Variants in SLC1A4 observed in about 807,000 individuals in gnomAD.
The protein encoded by SLC1A4 is neutral amino acid transporter A.
A neutral mutation model predicts 37.7 loss-of-function variants in SLC1A4; 19 were observed. The ratio of observed to expected loss-of-function variants is 0.50; its 90% CI spans 0.35 to 0.74. The LOEUF (loss-of-function observed/expected upper bound fraction) is 0.74. Among genes scored for constraint, SLC1A4 ranks in the 30% least tolerant of loss-of-function variants. The pLI, the probability that SLC1A4 is intolerant of heterozygous loss-of-function variation, is 0.01. For missense variants in SLC1A4, 570 were observed against 712.9 expected, an observed-to-expected ratio of 0.80 and a Z score of 2.28; for synonymous variants, 299 against 309.8, an observed-to-expected ratio of 0.97 and a Z score of 0.37.
Position 65,022,931 on chromosome 2 carries a change from A to C in SLC1A4, c.*1785A>C, listed in dbSNP as rs970400551. 1 of 152,230 alleles carries C rather than the reference A, an allele frequency of 6.6e-6. No homozygotes were observed. Among genetic ancestry groups the C allele is most frequent in the Non-Finnish European group, 1.5e-5 (1 of 68,072 alleles). 9.4% of individuals were successfully genotyped at this position (152,230 alleles called of 1,614,324 possible). A position where few individuals can be genotyped will look rare whatever the true frequency, so the allele number is the denominator to read the frequency against. ...TATGGATGTGTGTACCATTGAGATG[A>C]GAATGGGTAGATGGAACGGAGACCA... On this transcript the variant is annotated 3_prime_UTR_variant, in exon 8 of 8. Transcript: ENST00000234256.
chr2:65,010,821 G>C (rs1298645984), intron 4 of SLC1A4, 58 bp downstream of exon 4: 1 of 1,556,046 alleles, frequency 6.4e-7, no homozygotes, highest in Non-Finnish European at 8.7e-7. Flanking sequence ...CCAGAAAAGA[G>C]TCCACCTTGC....
intron 5 of SLC1A4, among the ~76,000 whole-genome samples, chr2:65,017,361 AAC>A (rs1553375101): frequency 3.3e-5 from 5 of 152,048 alleles, no homozygotes; most frequent in Non-Finnish European, 7.4e-5. Flanking sequence ...AAAAAAAAAA[AAC>A]ACTGGGTTTT....
Position 64,989,610 on chromosome 2 carries a change from C to T in SLC1A4, c.-34C>T. 3 of 1,452,572 alleles carry T rather than the reference C, an allele frequency of 2.1e-6. No homozygotes were observed. The highest frequency in any genetic ancestry group is 2.7e-6 in the Non-Finnish European group (3 of 1,106,014). The allele number at this position is 1,452,572 out of a possible 1,614,324, so 90.0% of individuals were successfully genotyped here. A position where few individuals can be genotyped will look rare whatever the true frequency, so the allele number is the denominator to read the frequency against. ...CGTCTTTTGCCAGAGCCCACGTCCC[C>T]TGCCACCTCTAGCTCGGAGCGGCGT... On this transcript the variant is annotated 5_prime_UTR_variant, in exon 1 of 8. Coordinates refer to ENST00000234256, the MANE Select transcript of SLC1A4 (RefSeq NM_003038.5).
intron 1 of SLC1A4, chr2:64,999,954 G>A (rs968528115): frequency 6.6e-6 from 1 of 152,146 alleles, no homozygotes; most frequent in Admixed American, 6.5e-5. Context: ...CCAAAGGTGT[G>A]AATACCAGGA....
At position 65,018,585 on chromosome 2, in the gene SLC1A4, C is replaced by T; in HGVS notation, c.1270C>T (p.Pro424Ser). 6.2e-7 allele frequency: 1 copy of T among 1,614,216 alleles called. No individual in the cohort carries two copies. The highest frequency in any genetic ancestry group is 8.5e-7 in the Non-Finnish European group (1 of 1,180,028). Residue 424 changes from proline to serine, a missense_variant, in exon 7 of 8, where the codon CCA (proline) becomes TCA (serine). By Grantham distance (74) the Pro-to-Ser change is moderately conservative. Coordinates refer to ENST00000234256, the MANE Select transcript of SLC1A4 (RefSeq NM_003038.5). This position sits in a 1 kb window ranked among gnomAD's most constrained non-coding sequence, Gnocchi z 4.3. ...TASSVGAAGV[P>S]AGGVLTIAII... ...GTCCAGTGTTGGAGCAGCAGGCGTG[C>T]CAGCTGGAGGGGTCCTCACCATTGC... is the stretch of plus-strand genomic sequence containing the variant.
At chr2:65,014,635 C>T (rs1221250645) in intron 4 of SLC1A4, among the ~76,000 whole-genome samples, 1 of 152,214 alleles carries the variant, frequency 6.6e-6, no homozygotes, top group East Asian at 1.9e-4. Context: ...GAAGATTATT[C>T]TCCTGGACTG....
chr2:64,993,439 C>T (rs1486968288), intron 1 of SLC1A4, among the ~76,000 whole-genome samples: 2 of 152,160 alleles, frequency 1.3e-5, no homozygotes, highest in Non-Finnish European at 2.9e-5. Flanking sequence ...TTAGAAATAA[C>T]AATGTAGAAT....
rs1286355814 is a variant in SLC1A4, at chr2:65,018,619, T to G, written c.1304T>G (p.Leu435Arg). ...AGGVLTIAII[L>R]EAIGLPTHDL... ...GGGGTCCTCACCATTGCCATTATCCTGGAGGCCATTGGGCTGCCTACTCAT... is the reference window on the plus strand; with the variant it reads ...GGGGTCCTCACCATTGCCATTATCCGGGAGGCCATTGGGCTGCCTACTCAT... The change falls in exon 7 of 8, where the codon CTG becomes CGG. Residue 435 changes from leucine (L) to arginine (R), a missense_variant. By Grantham distance (102) the Leu-to-Arg change is moderately radical. Transcript: ENST00000234256. This position sits in a 1 kb window ranked among gnomAD's most constrained non-coding sequence, Gnocchi z 4.3. 6.2e-7 allele frequency: 1 copy of G among 1,614,120 alleles called. No homozygotes were observed. Among genetic ancestry groups the G allele is most frequent in the Non-Finnish European group, 8.5e-7 (1 of 1,180,042 alleles).
Position 65,020,926 on chromosome 2 carries a change from C to T in SLC1A4, c.1379C>T (p.Thr460Met), listed in dbSNP as rs1439142955. 2.5e-6 allele frequency: 4 copies of T among 1,613,314 alleles called. No homozygotes were observed. Among genetic ancestry groups the T allele is most frequent in the South Asian group, 1.1e-5 (1 of 91,074 alleles). ...TTTCCCACCAGGGACCGGACCACCA[C>T]GGTGGTGAATGTGGAAGGGGATGCC... Reference protein sequence around the residue: ...AVDWIVDRTTTVVNVEGDALG... With the variant: ...AVDWIVDRTTMVVNVEGDALG... Residue 460 changes from threonine to methionine, a missense_variant, in exon 8 of 8, where the codon ACG becomes ATG. Coordinates refer to ENST00000234256, the MANE Select transcript of SLC1A4 (RefSeq NM_003038.5).
Position 65,018,079 on chromosome 2 carries a change from C to A in SLC1A4, c.1043C>A (p.Thr348Asn). 2.5e-6 allele frequency: 4 copies of A among 1,613,168 alleles called. No individual in the cohort carries two copies. The highest frequency in any genetic ancestry group is 3.4e-6 in the Non-Finnish European group (4 of 1,179,288). The part of the protein sequence containing the change: ...TAFATCSSSA[T>N]LPSMMKCIEE... Reference sequence around the variant, plus strand: ...GTTTTTCCCATTTCTAGCTCAGCGACCCTTCCCTCTATGATGAAGTGCATT... The same window carrying A: ...GTTTTTCCCATTTCTAGCTCAGCGAACCTTCCCTCTATGATGAAGTGCATT... The change falls in exon 6 of 8, where the codon ACC (threonine) becomes AAC (asparagine). Residue 348 changes from threonine to asparagine, a missense_variant. By Grantham distance (65) the Thr-to-Asn change is moderately conservative. Coordinates refer to ENST00000234256, the MANE Select transcript of SLC1A4 (RefSeq NM_003038.5). The surrounding 1 kb of genome is among the most constrained non-coding windows in gnomAD (Gnocchi z 4.3).
rs374368836 is a variant in SLC1A4 at position 64,990,117 on chromosome 2, G to A, written c.474G>A (p.Ser158=). 5.0e-5 allele frequency: 80 copies of A among 1,610,982 alleles called. No homozygotes were observed. In the African/African-American group the frequency reaches 6.1e-4, roughly 12 times the overall value. ...CCAGCGACCTGGGGCTGGAGGACTC[G>A]GGGCCTCCTCCTGTCCCCAAAGAGA... The part of the protein sequence containing the change: ...LQSSDLGLED[S]GPPPVPKETV... The change falls in exon 1 of 8, where the codon TCG becomes TCA. Residue 158 remains serine (S), a synonymous_variant. Coordinates refer to ENST00000234256, the MANE Select transcript of SLC1A4 (RefSeq NM_003038.5).
chr2:65,018,810 G>C lies in SLC1A4; in HGVS notation c.1364+131G>C, dbSNP rs1251452653. On this transcript the variant is annotated intron_variant, in intron 7 of 7. Coordinates refer to ENST00000234256, the MANE Select transcript of SLC1A4 (RefSeq NM_003038.5). The surrounding 1 kb of genome is among the most constrained non-coding windows in gnomAD (Gnocchi z 4.3). ...GCCTTGTGAAGGAGGCTACAGTGGA[G>C]CTAAAAGGGCAAGATTTAGAGCTAG... 2.0e-6 allele frequency: 2 copies of C among 1,022,186 alleles called. No homozygotes were observed. The highest frequency in any genetic ancestry group is 3.2e-5 in the African/African-American group (2 of 62,468). 63.3% of individuals were successfully genotyped at this position (1,022,186 alleles called of 1,614,324 possible). A position where few individuals can be genotyped will look rare whatever the true frequency, so the allele number is the denominator to read the frequency against.
chr2:65,014,796 T>G (rs1050651211), intron 4 of SLC1A4, among the ~76,000 whole-genome samples: 2 of 152,248 alleles, frequency 1.3e-5, no homozygotes, highest in African/African-American at 4.8e-5. Flanking sequence ...CAAAGTATGT[T>G]TGCAGTGTCG....
chr2:65,012,556 G>T (rs1350385281), intron 4 of SLC1A4, among the ~76,000 whole-genome samples: 2 of 152,180 alleles, frequency 1.3e-5, no homozygotes, highest in Non-Finnish European at 2.9e-5. Context: ...CCCCCTACCA[G>T]TGATATTTCT....
intron 1 of SLC1A4, among the ~76,000 whole-genome samples, chr2:64,992,076 G>C (rs183804360): frequency 3.3e-5 from 5 of 152,232 alleles, no homozygotes; most frequent in African/African-American, 1.2e-4. Context: ...GAGGTTGAGA[G>C]CACCTTTAGC....
At position 64,998,240 on chromosome 2, in the gene SLC1A4, A is replaced by AAAAT. The variant is rs70937393; in HGVS notation, c.528-3179_528-3176dup. Among the ~76,000 whole-genome samples, 260 of 145,644 alleles carry AAAAT rather than the reference A, an allele frequency of 1.8e-3. 1 individual carries two copies. Among genetic ancestry groups the AAAAT allele is most frequent in the Middle Eastern group, 0.017 (5 of 288 alleles). ...AGACAGAGCGAGACTCCGTCTCAGA[A>AAAAT]AAATAAATAAATAAATAAATAAATA... On this transcript the variant is annotated intron_variant, in intron 1 of 7. Coordinates refer to ENST00000234256, the MANE Select transcript of SLC1A4 (RefSeq NM_003038.5).
chr2:65,000,860 G>A (rs1558517072), intron 1 of SLC1A4: 1 of 152,364 alleles, frequency 6.6e-6, no homozygotes, highest in Non-Finnish European at 1.5e-5. Flanking sequence ...GTGGGACCTG[G>A]CATTTCTCCC....
At chr2:65,020,283 T>A (rs1028549804) in intron 7 of SLC1A4, among the ~76,000 whole-genome samples, 1 of 152,244 alleles carries the variant, frequency 6.6e-6, no homozygotes, top group African/African-American at 2.4e-5. Flanking sequence ...GTTTACTTAT[T>A]AGAGTCAGGG....
rs143137332 is a variant in SLC1A4, at chr2:65,016,865, C to T, written c.1034+192C>T. On this transcript the variant is annotated intron_variant, in intron 5 of 7. Transcript: ENST00000234256. Reference sequence around the variant, plus strand: ...TTCCCGTGATTGCCCAGGCTGGTCTCGAACTCCTGGGCTCAAGTGATCCTC... The same window carrying T: ...TTCCCGTGATTGCCCAGGCTGGTCTTGAACTCCTGGGCTCAAGTGATCCTC... Among the ~76,000 whole-genome samples, 3,337 of 152,288 alleles carry T rather than the reference C, an allele frequency of 0.022. 138 individuals carry two copies. Among genetic ancestry groups the T allele is most frequent in the African/African-American group, 0.076 (3,163 of 41,556 alleles).
Sources: allele counts gnomAD v4.1 joint callset (sites outside exome capture counted in the v4.1 genomes callset), GRCh38; gene constraint gnomAD v4.1.1; non-coding constraint Gnocchi (gnomAD v3.1); transcripts MANE v1.5; gene names NCBI Gene and HGNC (gene_info 2026-07-23, HGNC 2026-07-21).